Variants in TAOK3 observed in about 807,000 individuals in gnomAD.
The protein encoded by TAOK3 is serine/threonine-protein kinase TAO3.
A neutral mutation model predicts 120.4 loss-of-function variants in TAOK3; 40 were observed. That is an observed-to-expected ratio of 0.33 (90% CI 0.26 to 0.43). The LOEUF is 0.43. Ranked by LOEUF, TAOK3 falls within the 20% of genes least tolerant of loss-of-function variation. The pLI, the probability that TAOK3 is intolerant of heterozygous loss-of-function variation, is 1.00. For synonymous variants in TAOK3, 355 were observed against 387.5 expected (o/e 0.92, Z 0.99); for missense variants, 821 against 1,112.1 (o/e 0.74, Z 3.72).
At chr12:118,194,236 G>A (rs1294498734) in intron 13 of TAOK3, among the ~76,000 whole-genome samples, 1 of 152,058 alleles carries the variant, frequency 6.6e-6, no homozygotes, top group Admixed American at 6.6e-5. Context: ...GTGGAGAAGG[G>A]ATCAGCAGAC....
At chr12:118,263,497 C>T (rs1052484241) in intron 2 of TAOK3, among the ~76,000 whole-genome samples, 4 of 152,236 alleles carry the variant, frequency 2.6e-5, no homozygotes, top group Admixed American at 6.5e-5. Context: ...AATTAGACTT[C>T]GTCAGGATTA....
At chr12:118,242,844 G>A (rs2040311099) in intron 5 of TAOK3, among the ~76,000 whole-genome samples, 2 of 151,352 alleles carry the variant, frequency 1.3e-5, no homozygotes, top group Admixed American at 6.6e-5. Context: ...TGGGCAACAA[G>A]AGTGAATCTG....
chr12:118,301,477 T>C (rs143843500), intron 1 of TAOK3, among the ~76,000 whole-genome samples: 67 of 152,308 alleles, frequency 4.4e-4, no homozygotes, highest in African/African-American at 1.6e-3. Flanking sequence ...AATTCATGAA[T>C]GACGATCCAG....
At chr12:118,228,018 T>C (rs928129708) in intron 9 of TAOK3, among the ~76,000 whole-genome samples, 12 of 152,270 alleles carry the variant, frequency 7.9e-5, no homozygotes, top group South Asian at 2.1e-4. Context: ...TCTTGTCATA[T>C]TTGTTTCAGG....
chr12:118,285,977 G>A (rs143369469), intron 1 of TAOK3, among the ~76,000 whole-genome samples: 122 of 152,268 alleles, frequency 8.0e-4, no homozygotes, highest in African/African-American at 2.8e-3. Context: ...AGAGACTAAT[G>A]GTTGCATTCT....
intron 19 of TAOK3, chr12:118,159,841 T>C: frequency 5.2e-6 from 2 of 386,840 alleles, no homozygotes; most frequent in Non-Finnish European, 9.5e-6. Context: ...GGGCAGTCAG[T>C]AAAATCTTTC....
At chr12:118,168,991 TCC>T (rs1314267251) in intron 17 of TAOK3, among the ~76,000 whole-genome samples, 15 of 128,002 alleles carry the variant, frequency 1.2e-4, no homozygotes, top group South Asian at 7.4e-4. Context: ...CTTCCTTCCT[TCC>T]TTCCTTCCTT....
chr12:118,207,186 C>T (rs932512211), intron 11 of TAOK3, among the ~76,000 whole-genome samples: 14 of 151,608 alleles, frequency 9.2e-5, no homozygotes, highest in African/African-American at 3.1e-4. Flanking sequence ...ATTAGCCGGG[C>T]GTGGTGGCAC....
intron 17 of TAOK3, among the ~76,000 whole-genome samples, chr12:118,169,931 C>T (rs1468964503): frequency 2.0e-5 from 3 of 152,066 alleles, no homozygotes; most frequent in Non-Finnish European, 2.9e-5. Flanking sequence ...CCATGTTAGC[C>T]AGGATGGTCT....
intron 14 of TAOK3, among the ~76,000 whole-genome samples, chr12:118,189,194 T>C (rs1320272688): frequency 2.6e-5 from 4 of 152,218 alleles, no homozygotes; most frequent in Non-Finnish European, 4.4e-5. Context: ...CCACTACCAT[T>C]GTTGCAATAA....
At chr12:118,250,903 G>A (rs936297189) in intron 3 of TAOK3, among the ~76,000 whole-genome samples, 8 of 152,110 alleles carry the variant, frequency 5.3e-5, no homozygotes, top group African/African-American at 1.9e-4. Context: ...AAATAGAAGG[G>A]AGAAATATTC....
intron 9 of TAOK3, 27 bp downstream of exon 9, chr12:118,233,647 A>G: frequency 6.7e-7 from 1 of 1,496,722 alleles, no homozygotes; most frequent in Non-Finnish European, 9.3e-7. Flanking sequence ...TAAAAAATAC[A>G]ATGAAAACAA....
chr12:118,284,979 T>C (rs1478325098), intron 1 of TAOK3, among the ~76,000 whole-genome samples: 1 of 151,844 alleles, frequency 6.6e-6, no homozygotes, highest in Non-Finnish European at 1.5e-5. Flanking sequence ...GTTATATTTT[T>C]TAAAGATTAC....
intron 16 of TAOK3, among the ~76,000 whole-genome samples, chr12:118,176,018 A>G (rs2036301696): frequency 6.6e-6 from 1 of 152,246 alleles, no homozygotes; most frequent in Non-Finnish European, 1.5e-5. Flanking sequence ...TAGAGTAAGT[A>G]GCTCAAATAA....
chr12:118,363,714 G>A (rs1254463485), intron 1 of TAOK3, among the ~76,000 whole-genome samples: 1 of 151,754 alleles, frequency 6.6e-6, no homozygotes, highest in South Asian at 2.1e-4. Flanking sequence ...AAGAAGACCA[G>A]TCTGGTCAAG....
In TAOK3 at chr12:118,152,372, G is replaced by A; in HGVS notation, c.2390C>T (p.Ala797Val). 6.2e-7 allele frequency: 1 copy of A among 1,613,718 alleles called. No individual in the cohort carries two copies. The highest frequency in any genetic ancestry group is 8.5e-7 in the Non-Finnish European group (1 of 1,179,980). The change falls in exon 20 of 21, where the codon GCC (alanine) becomes GTC (valine). Residue 797 changes from alanine to valine, a missense_variant. Physicochemically the swap from Ala to Val is moderately conservative, Grantham distance 64 (BLOSUM62 0). This residue lies in a region of TAOK3 where 354 missense variants were observed against 572.1 expected (regional missense o/e 0.62). Transcript: ENST00000392533. ...TTCCTGCTGGAGCTGTAGCCTCAAG[G>A]CCTGGCATTCTGCTTCTTGAGCCTC... ...LDEAQEAECQ[A>V]LRLQLQQEME...
At chr12:118,202,436 C>G (rs910095771) in intron 11 of TAOK3, among the ~76,000 whole-genome samples, 3 of 152,002 alleles carry the variant, frequency 2.0e-5, no homozygotes, top group African/African-American at 7.2e-5. Flanking sequence ...TTTGGAGGAA[C>G]CTCCATACTG....
chr12:118,264,656 G>A (rs1053618374), intron 2 of TAOK3, among the ~76,000 whole-genome samples: 4 of 152,178 alleles, frequency 2.6e-5, no homozygotes, highest in East Asian at 1.9e-4. Context: ...TTTCCACTAT[G>A]ATGGTGGTTT....
intron 17 of TAOK3, 89 bp from the exon 18 acceptor site, chr12:118,162,116 G>GT: frequency 6.7e-7 from 1 of 1,501,622 alleles, no homozygotes; most frequent in Non-Finnish European, 9.1e-7. Flanking sequence ...GGCAAGGAAT[G>GT]GCACTGCTAA....
Sources: allele counts gnomAD v4.1 joint callset (sites outside exome capture counted in the v4.1 genomes callset), GRCh38; gene constraint gnomAD v4.1.1; regional missense constraint gnomAD v4.1.1; transcripts MANE v1.5; gene names NCBI Gene and HGNC (gene_info 2026-07-23, HGNC 2026-07-21).